Variants in GRM8 observed in about 807,000 individuals in gnomAD.
GRM8 encodes the protein glutamate metabotropic receptor 8, also known as metabotropic glutamate receptor 8.
In GRM8, 47 loss-of-function variants were observed where a neutral mutation model predicts 87.2. The observed-to-expected ratio is 0.54, with a 90% CI of 0.43 to 0.69. The LOEUF (loss-of-function observed/expected upper bound fraction) is 0.69. Among genes scored for constraint, GRM8 ranks in the 30% least tolerant of loss-of-function variants. GRM8 has a pLI of 0.00. For missense variants in GRM8, 1,019 were observed against 1,139.2 expected, an observed-to-expected ratio of 0.89 and a Z score of 1.52; for synonymous variants, 396 against 404.5, an observed-to-expected ratio of 0.98 and a Z score of 0.25.
intron 7 of GRM8, among the ~76,000 whole-genome samples, chr7:126,707,956 G>A (rs943856473): frequency 4.6e-5 from 7 of 151,902 alleles, no homozygotes; most frequent in Non-Finnish European, 8.8e-5. Context: ...AAAATGAAAA[G>A]GCAACATGTA....
chr7:126,774,188 G>C (rs1254858753), intron 6 of GRM8, among the ~76,000 whole-genome samples: 1 of 152,098 alleles, frequency 6.6e-6, no homozygotes, highest in Non-Finnish European at 1.5e-5. Context: ...TTTTCAGGCT[G>C]TTTAGACAAT....
chr7:126,688,539 G>C (rs1808418007), intron 7 of GRM8, among the ~76,000 whole-genome samples: 1 of 152,184 alleles, frequency 6.6e-6, no homozygotes, highest in South Asian at 2.1e-4. Flanking sequence ...AGAGTGAACA[G>C]AAGTATAGTT....
rs144077638 is a variant in GRM8 at position 127,212,410 on chromosome 7, A to ATTTTT, written c.510+30280_510+30284dup. ...TATGAGCACACTAGGACATGGTGTT[A>ATTTTT]TTTTTTTTTTTTTTTTTTTTTTTTT... On this transcript the variant is annotated intron_variant, in intron 2 of 10. Coordinates refer to ENST00000339582, the MANE Select transcript of GRM8 (RefSeq NM_000845.3). Among the ~76,000 whole-genome samples the ATTTTT allele has an allele frequency of 7.4e-3, 719 of 97,642 alleles. 41 individuals are homozygous for ATTTTT. Among genetic ancestry groups the ATTTTT allele is most frequent in the South Asian group, 0.029 (81 of 2,752 alleles). 64.1% of individuals were successfully genotyped at this position (97,642 alleles called of 152,430 possible). A position where few individuals can be genotyped will look rare whatever the true frequency, so the allele number is the denominator to read the frequency against.
intron 6 of GRM8, among the ~76,000 whole-genome samples, chr7:126,850,229 A>T (rs1797089260): frequency 6.6e-6 from 1 of 152,050 alleles, no homozygotes. Flanking sequence ...GGTCATTTTC[A>T]TCTACACTTG....
intron 3 of GRM8, among the ~76,000 whole-genome samples, chr7:126,976,275 T>C (rs1351532173): frequency 6.6e-6 from 1 of 152,214 alleles, no homozygotes; most frequent in Non-Finnish European, 1.5e-5. Flanking sequence ...TTCTTAAATT[T>C]TTATGCTTCC....
intron 2 of GRM8, among the ~76,000 whole-genome samples, chr7:127,161,719 T>C (rs1013045937): frequency 1.3e-5 from 2 of 151,962 alleles, no homozygotes; most frequent in Non-Finnish European, 2.9e-5. Flanking sequence ...CTATAAGACA[T>C]GAATAAAGAC....
intron 3 of GRM8, among the ~76,000 whole-genome samples, chr7:126,998,645 A>C (rs1813413443): frequency 6.6e-6 from 1 of 151,716 alleles, no homozygotes; most frequent in South Asian, 2.1e-4. Flanking sequence ...GAAAAAGAAA[A>C]AAAGTTCTTC....
At chr7:126,821,825 G>C (rs1198526912) in intron 6 of GRM8, among the ~76,000 whole-genome samples, 3 of 152,036 alleles carry the variant, frequency 2.0e-5, no homozygotes, top group African/African-American at 7.2e-5. Flanking sequence ...TTCCGGATCT[G>C]ACCAGTTTTT....
Position 127,155,361 on chromosome 7 carries a change from T to C in GRM8, c.511-48649A>G, listed in dbSNP as rs567166645. 3.9e-5 allele frequency among the ~76,000 whole-genome samples: 6 copies of C among 152,312 alleles called. No individual in the cohort carries two copies. The East Asian group carries it at 1.2e-3, about 29-fold the overall frequency. Reference sequence around the variant, plus strand: ...ATGTTGTTTGGAGAAATTTATTTTCTTGAAATAGGATGCAGTTCTTTCTTT... The same window carrying C: ...ATGTTGTTTGGAGAAATTTATTTTCCTGAAATAGGATGCAGTTCTTTCTTT... On this transcript the variant is annotated intron_variant, in intron 2 of 10. Transcript: ENST00000339582.
chr7:126,889,851 T>A (rs1236550394), intron 6 of GRM8, among the ~76,000 whole-genome samples: 1 of 152,104 alleles, frequency 6.6e-6, no homozygotes, highest in Non-Finnish European at 1.5e-5. Flanking sequence ...GGGATGCTCA[T>A]GCCATGTTAA....
chr7:127,022,018 C>T (rs2132224091), intron 3 of GRM8, among the ~76,000 whole-genome samples: 1 of 152,108 alleles, frequency 6.6e-6, no homozygotes, highest in African/African-American at 2.4e-5. Flanking sequence ...TAATTGATGA[C>T]AATATTAAAA....
chr7:126,488,354 GA>G (rs1250769236), intron 9 of GRM8, among the ~76,000 whole-genome samples: 2 of 151,920 alleles, frequency 1.3e-5, no homozygotes, highest in African/African-American at 2.4e-5. Flanking sequence ...GTATTATGAT[GA>G]AAATAGGGTT....
chr7:126,503,424 G>A lies in GRM8; in HGVS notation c.2430+29528C>T, dbSNP rs80026724. Among the ~76,000 whole-genome samples, 988 of 152,078 alleles carry A rather than the reference G, an allele frequency of 6.5e-3. 9 individuals carry two copies. Among genetic ancestry groups the A allele is most frequent in the Non-Finnish European group, 9.8e-3 (665 of 67,932 alleles). On this transcript the variant is annotated intron_variant, in intron 9 of 10. Coordinates refer to ENST00000339582, the MANE Select transcript of GRM8 (RefSeq NM_000845.3). The stretch of plus-strand genomic sequence containing the variant: ...ATCCAAATTACTTATATTTTATGAG[G>A]ATTAGTTTGGGATTATCAAATATTG...
At chr7:126,915,195 G>C (rs1329145252) in intron 3 of GRM8, among the ~76,000 whole-genome samples, 1 of 152,120 alleles carries the variant, frequency 6.6e-6, no homozygotes, top group African/African-American at 2.4e-5. Flanking sequence ...TCCAAATCCT[G>C]GCCCTTCTCT....
chr7:127,027,012 T>G (rs980631040), intron 3 of GRM8, among the ~76,000 whole-genome samples: 3 of 152,196 alleles, frequency 2.0e-5, no homozygotes, highest in African/African-American at 7.2e-5. Flanking sequence ...AATTTTTGTA[T>G]AAGGTATAAG....
chr7:127,066,650 T>C (rs1207922517), intron 3 of GRM8, among the ~76,000 whole-genome samples: 3 of 152,230 alleles, frequency 2.0e-5, no homozygotes, highest in African/African-American at 7.2e-5. Context: ...TTTCTTTGTA[T>C]TGGAAACATT....
In GRM8 at chr7:127,085,340, G is replaced by C. The variant is rs539985639; in HGVS notation, c.727+21156C>G. On this transcript the variant is annotated intron_variant, in intron 3 of 10. Transcript: ENST00000339582. ...TGGGTATATACCCAGTAATGGGATC[G>C]CTGGGTCAAATAGTATTTCTAGTTG... is the stretch of plus-strand genomic sequence containing the variant. 2.0e-5 allele frequency among the ~76,000 whole-genome samples: 3 copies of C among 152,306 alleles called. No individual in the cohort carries two copies. The East Asian group carries it at 5.8e-4, about 29-fold the overall frequency.
chr7:126,541,848 G>A (rs1816579827), intron 8 of GRM8, among the ~76,000 whole-genome samples: 1 of 152,192 alleles, frequency 6.6e-6, no homozygotes, highest in South Asian at 2.1e-4. Context: ...AAGGAATTCT[G>A]TTATGGGTTG....
At chr7:126,909,062 C>G (rs971069906) in intron 3 of GRM8, among the ~76,000 whole-genome samples, 4 of 152,124 alleles carry the variant, frequency 2.6e-5, no homozygotes, top group Non-Finnish European at 5.9e-5. Flanking sequence ...GTTTCAGGAG[C>G]TACAGACAAA....
Sources: gnomAD v4.1 joint callset for allele counts (sites outside exome capture counted in the v4.1 genomes callset) on GRCh38, gnomAD v4.1.1 for gene constraint, MANE v1.5 for transcripts, NCBI Gene and HGNC (gene_info 2026-07-23, HGNC 2026-07-21) for gene names.